ATXN10: variants seen among roughly 807,000 people sequenced by gnomAD.
ATXN10 encodes ataxin-10.
Under a neutral mutation model 52.9 loss-of-function variants are expected in ATXN10, and 28 were observed. The ratio of observed to expected loss-of-function variants is 0.53; its 90% CI spans 0.39 to 0.73. The LOEUF is 0.73. ATXN10 is among the 30% of genes least tolerant of loss of function. The pLI is 0.00. For missense variants in ATXN10, 565 were observed against 577.0 expected (o/e 0.98, Z 0.21); for synonymous variants, 226 against 221.5 (o/e 1.02, Z -0.18).
chr22:45,678,819 GTGAT>G lies in ATXN10; in HGVS notation c.116+6645_116+6648del, dbSNP rs1569019973. 2.0e-5 allele frequency: 3 copies of G among 152,160 alleles called. No homozygotes were observed. The East Asian group carries it at 5.8e-4, about 29-fold the overall frequency. 9.4% of individuals were successfully genotyped at this position (152,160 alleles called of 1,614,324 possible). On this transcript the variant is annotated intron_variant, in intron 1 of 11. Transcript: ENST00000252934. The surrounding 1 kb of genome is among the most constrained non-coding windows in gnomAD (Gnocchi z 4.1). ...AAGATCTGTGCTTAGTGCTGCAGCT[GTGAT>G]TGATAGGATAAAATTAACTATGTGT...
rs999368358 is a variant in ATXN10, at chr22:45,681,140, G to A, written c.117-8572G>A. Among the ~76,000 whole-genome samples the A allele has an allele frequency of 3.9e-5, 6 of 152,054 alleles. No individual in the cohort carries two copies. Among genetic ancestry groups the A allele is most frequent in the African/African-American group, 1.2e-4 (5 of 41,340 alleles). On this transcript the variant is annotated intron_variant, in intron 1 of 11. Transcript: ENST00000252934. This position sits in a 1 kb window ranked among gnomAD's most constrained non-coding sequence, Gnocchi z 4.2. ...GTCAGTCTGCCTCATTCCTTGAAGA[G>A]TTTAGCCCTGGCTCACTTTTCACTC...
chr22:45,843,619 T>C lies in ATXN10; in HGVS notation c.1426-50T>C. 1 of 1,595,738 alleles carries C rather than the reference T, an allele frequency of 6.3e-7. No homozygotes were observed. The highest frequency in any genetic ancestry group is 8.6e-7 in the Non-Finnish European group (1 of 1,164,916). ...TTTTCCCCTTTTGTCTGATGAATCT[T>C]GTGAACAGATTTGCTACATCTGCAA... On this transcript the variant is annotated intron_variant, in intron 11 of 11. Coordinates refer to ENST00000252934, the MANE Select transcript of ATXN10 (RefSeq NM_013236.4). The surrounding 1 kb of genome is among the most constrained non-coding windows in gnomAD (Gnocchi z 4.5).
intron 6 of ATXN10, among the ~76,000 whole-genome samples, chr22:45,725,648 C>G (rs1924839192): frequency 6.6e-6 from 1 of 152,016 alleles, no homozygotes; most frequent in Non-Finnish European, 1.5e-5. Context: ...AATTTGGATG[C>G]CCTTTGTTTA....
At chr22:45,674,840 T>C (rs1175557997) in intron 1 of ATXN10, 1 of 152,226 alleles carries the variant, frequency 6.6e-6, no homozygotes, top group Non-Finnish European at 1.5e-5. Flanking sequence ...ATAGACATAA[T>C]GTAGTTGGTG....
chr22:45,764,022 G>A (rs1482190017), intron 9 of ATXN10, among the ~76,000 whole-genome samples: 1 of 152,040 alleles, frequency 6.6e-6, no homozygotes, highest in Admixed American at 6.6e-5. Flanking sequence ...GTTTCTCCCC[G>A]GCCTCTCCGG....
rs541167995 is a variant in ATXN10 at position 45,690,776 on chromosome 22, C to T, written c.308+873C>T. ...TGTCCAGTGCTCTTCTTTGCTTTTA[C>T]GTGTTACCGTCTCCTCCCAGAACAC... On this transcript the variant is annotated intron_variant, in intron 2 of 11. Coordinates refer to ENST00000252934, the MANE Select transcript of ATXN10 (RefSeq NM_013236.4). This position sits in a 1 kb window ranked among gnomAD's most constrained non-coding sequence, Gnocchi z 4.5. 6.6e-5 allele frequency among the ~76,000 whole-genome samples: 10 copies of T among 152,292 alleles called. No individual in the cohort carries two copies. The highest frequency in any genetic ancestry group is 4.1e-4 in the South Asian group (2 of 4,824).
At chr22:45,685,001 A>G (rs1247560425) in intron 1 of ATXN10, among the ~76,000 whole-genome samples, 2 of 152,154 alleles carry the variant, frequency 1.3e-5, no homozygotes, top group Non-Finnish European at 2.9e-5. Flanking sequence ...TCTAAACCAC[A>G]TATGCCAGTT....
chr22:45,717,042 G>C (rs2146772489), intron 5 of ATXN10, among the ~76,000 whole-genome samples: 1 of 152,178 alleles, frequency 6.6e-6, no homozygotes, highest in South Asian at 2.1e-4. Flanking sequence ...ACACACTGCT[G>C]TTCTTTCCTT....
rs192550448 is a variant in ATXN10 at position 45,823,862 on chromosome 22, C to T, written c.1237+16840C>T. On this transcript the variant is annotated intron_variant, in intron 10 of 11. Transcript: ENST00000252934. The surrounding 1 kb of genome is among the most constrained non-coding windows in gnomAD (Gnocchi z 4.9). Reference sequence around the variant, plus strand: ...GGTTTCAGTATGGTAGGTGGGCACACCCCCTGCTAGGCTTGGGGGCAGGCA... The same window carrying T: ...GGTTTCAGTATGGTAGGTGGGCACATCCCCTGCTAGGCTTGGGGGCAGGCA... Among the ~76,000 whole-genome samples, 972 of 152,290 alleles carry T rather than the reference C, an allele frequency of 6.4e-3. 7 individuals carry two copies. The highest frequency in any genetic ancestry group is 0.015 in the South Asian group (72 of 4,812).
intron 3 of ATXN10, among the ~76,000 whole-genome samples, chr22:45,693,712 A>G (rs1161593193): frequency 6.6e-6 from 1 of 152,162 alleles, no homozygotes; most frequent in Non-Finnish European, 1.5e-5. Context: ...TAGGATCTTT[A>G]AAGAGGTAAT....
rs917249136 is a variant in ATXN10, at chr22:45,783,641, C to G, written c.1174-23318C>G. On this transcript the variant is annotated intron_variant, in intron 9 of 11. Transcript: ENST00000252934. This position sits in a 1 kb window ranked among gnomAD's most constrained non-coding sequence, Gnocchi z 5.0. ...TGTGGGGCCTTCTCTCTCCCTTATC[C>G]CCACCCACATCCTGACATTGGTAAG... is the stretch of plus-strand genomic sequence containing the variant. 1.3e-5 allele frequency among the ~76,000 whole-genome samples: 2 copies of G among 152,162 alleles called. No homozygotes were observed. Among genetic ancestry groups the G allele is most frequent in the Admixed American group, 6.5e-5 (1 of 15,284 alleles).
At chr22:45,807,516 A>G (rs1369020918) in intron 10 of ATXN10, among the ~76,000 whole-genome samples, 1 of 152,192 alleles carries the variant, frequency 6.6e-6, no homozygotes, top group Non-Finnish European at 1.5e-5. Context: ...CTGAATTCTC[A>G]TCTTCGGAGG....
Position 45,781,012 on chromosome 22 carries a change from C to T in ATXN10, c.1174-25947C>T, listed in dbSNP as rs1040760571. 1.3e-5 allele frequency among the ~76,000 whole-genome samples: 2 copies of T among 152,174 alleles called. No homozygotes were observed. Among genetic ancestry groups the T allele is most frequent in the African/African-American group, 4.8e-5 (2 of 41,434 alleles). Reference sequence around the variant, plus strand: ...TAGAGAAGCTGTCAACCCAGAAACACCAATGGGTGCAGACCAGAAAGCCCT... The same window carrying T: ...TAGAGAAGCTGTCAACCCAGAAACATCAATGGGTGCAGACCAGAAAGCCCT... On this transcript the variant is annotated intron_variant, in intron 9 of 11. Transcript: ENST00000252934. This position sits in a 1 kb window ranked among gnomAD's most constrained non-coding sequence, Gnocchi z 4.2.
chr22:45,697,788 G>A (rs1368891939), intron 3 of ATXN10, among the ~76,000 whole-genome samples: 2 of 151,950 alleles, frequency 1.3e-5, no homozygotes, highest in African/African-American at 4.8e-5. Context: ...CCGCCACCAC[G>A]CCCAGCTAAT....
chr22:45,720,203 C>G (rs944314586), intron 6 of ATXN10, among the ~76,000 whole-genome samples: 2 of 152,000 alleles, frequency 1.3e-5, no homozygotes, highest in African/African-American at 4.8e-5. Flanking sequence ...TATTTATTCT[C>G]TTTTTTGTCA....
chr22:45,821,445 G>A (rs1271118124), intron 10 of ATXN10, among the ~76,000 whole-genome samples: 1 of 151,598 alleles, frequency 6.6e-6, no homozygotes, highest in African/African-American at 2.4e-5. Context: ...AGAAAATGAT[G>A]ATTGTGAAAG....
At chr22:45,765,994 C>A (rs1178904127) in intron 9 of ATXN10, among the ~76,000 whole-genome samples, 1 of 152,086 alleles carries the variant, frequency 6.6e-6, no homozygotes, top group African/African-American at 2.4e-5. Context: ...TTCCACTGTT[C>A]AAAACAACCT....
chr22:45,810,136 T>C lies in ATXN10; in HGVS notation c.1237+3114T>C, dbSNP rs566383784. Among the ~76,000 whole-genome samples the C allele has an allele frequency of 3.9e-5, 6 of 152,316 alleles. No individual in the cohort carries two copies. In the South Asian group the frequency reaches 1.0e-3, roughly 26 times the overall value. On this transcript the variant is annotated intron_variant, in intron 10 of 11. Coordinates refer to ENST00000252934, the MANE Select transcript of ATXN10 (RefSeq NM_013236.4). ...AGGATCTATTTCTATTCTCTCCAGATGGCACACAATTGTCTTGGCCCTAGT... is the reference window on the plus strand; with the variant it reads ...AGGATCTATTTCTATTCTCTCCAGACGGCACACAATTGTCTTGGCCCTAGT...
intron 5 of ATXN10, among the ~76,000 whole-genome samples, chr22:45,714,848 T>C (rs1359392896): frequency 1.3e-5 from 2 of 152,242 alleles, no homozygotes; most frequent in Non-Finnish European, 2.9e-5. Context: ...GTATTTGATT[T>C]ACTTGGAATT....
Sources: allele counts gnomAD v4.1 joint callset (sites outside exome capture counted in the v4.1 genomes callset), GRCh38; gene constraint gnomAD v4.1.1; non-coding constraint Gnocchi (gnomAD v3.1); transcripts MANE v1.5; gene names NCBI Gene and HGNC (gene_info 2026-07-23, HGNC 2026-07-21).